Variants in LIMD1 observed in about 807,000 individuals in gnomAD.
LIMD1 encodes LIM domain-containing protein 1.
A neutral mutation model predicts 58.4 loss-of-function variants in LIMD1; 23 were observed. That is an observed-to-expected ratio of 0.39 (90% CI 0.28 to 0.56). LIMD1 has a LOEUF of 0.56. LIMD1 is among the 20% of genes least tolerant of loss of function. LIMD1 has a pLI of 0.57. For missense variants in LIMD1, 838 were observed against 855.5 expected (o/e 0.98, Z 0.25); for synonymous variants, 334 against 345.5 (o/e 0.97, Z 0.37).
At chr3:45,668,083 A>G (rs1697541885) in intron 3 of LIMD1, among the ~76,000 whole-genome samples, 1 of 152,204 alleles carries the variant, frequency 6.6e-6, no homozygotes, top group Non-Finnish European at 1.5e-5. Context: ...AGTCATTGTT[A>G]GAGTGAGTGG....
chr3:45,626,594 A>G (rs1701669800), intron 1 of LIMD1, among the ~76,000 whole-genome samples: 1 of 152,238 alleles, frequency 6.6e-6, no homozygotes, highest in Non-Finnish European at 1.5e-5. Flanking sequence ...GAACAGATGA[A>G]TAAGTGGAGC....
At chr3:45,602,807 C>T (rs540834332) in intron 1 of LIMD1, among the ~76,000 whole-genome samples, 50 of 152,086 alleles carry the variant, frequency 3.3e-4, no homozygotes, top group African/African-American at 1.2e-3. Flanking sequence ...CAGTCTGTTG[C>T]ACACTGAGCT....
chr3:45,595,890 C>G lies in LIMD1; in HGVS notation c.1011C>G (p.Phe337Leu), dbSNP rs762862096. ...CCAATGTGGACCCCCAACCCTGGTT[C>G]CAGGATGGGCCCAAATCTTACCTTT... ...SKPNVDPQPW[F>L]QDGPKSYLSS... The change falls in exon 1 of 8, where the codon TTC (phenylalanine) becomes TTG (leucine). Residue 337 changes from phenylalanine (F) to leucine (L), a missense_variant. Transcript: ENST00000273317. The G allele has an allele frequency of 3.3e-5, 54 of 1,614,124 alleles. No individual in the cohort carries two copies. In the East Asian group the frequency reaches 1.2e-3, roughly 35 times the overall value.
chr3:45,603,519 A>C (rs1701438388), intron 1 of LIMD1, among the ~76,000 whole-genome samples: 1 of 151,978 alleles, frequency 6.6e-6, no homozygotes, highest in Admixed American at 6.6e-5. Context: ...GAACCAGCCG[A>C]ATCCAGGTTT....
In LIMD1 at chr3:45,596,257, A is replaced by T. The variant is rs145274120; in HGVS notation, c.1378A>T (p.Met460Leu). The stretch of plus-strand genomic sequence containing the variant: ...CCTCACCCAACGTCTGGAGCGAGAG[A>T]TGGATGCTCACCCGAAGGCTGATTA... The part of the protein sequence containing the change: ...EALTQRLERE[M>L]DAHPKADYFG... The change falls in exon 1 of 8, where the codon ATG becomes TTG. Residue 460 changes from methionine (M) to leucine (L), a missense_variant. Around this residue, in one of 3 missense-constraint regions of LIMD1, gnomAD observed 659 missense variants for 639.8 expected, o/e 1.03. Transcript: ENST00000273317. 1.2e-6 allele frequency: 2 copies of T among 1,609,466 alleles called. No individual in the cohort carries two copies. Among genetic ancestry groups the T allele is most frequent in the Non-Finnish European group, 1.7e-6 (2 of 1,178,334 alleles).
Position 45,672,819 on chromosome 3 carries a change from A to G in LIMD1, c.1771A>G (p.Lys591Glu). 1 of 1,613,616 alleles carries G rather than the reference A, an allele frequency of 6.2e-7. No individual in the cohort carries two copies. Among genetic ancestry groups the G allele is most frequent in the Non-Finnish European group, 8.5e-7 (1 of 1,179,678 alleles). ...GATCTACTGTGTCCGAGATTACCAC[A>G]AGTAAGAAGGGATGGGAGCAGACAG... The part of the protein sequence containing the change: ...NKIYCVRDYH[K>E]VLAPKCAACG... Residue 591 changes from lysine (K) to glutamate (E), a missense_variant and splice_region_variant, in exon 5 of 8, where the codon AAG (lysine) becomes GAG (glutamate). Physicochemically the swap from Lys to Glu is moderately conservative, Grantham distance 56. Transcript: ENST00000273317.
Position 45,684,536 on chromosome 3 carries a change from C to T in LIMD1, c.*7477C>T, listed in dbSNP as rs981524608. ...TTAACAGGCAGAAAAAAGAGAACAG[C>T]TCCCCCATGCAGAGGGAGGAGGACT... On this transcript the variant is annotated 3_prime_UTR_variant, in exon 8 of 8. Coordinates refer to ENST00000273317, the MANE Select transcript of LIMD1 (RefSeq NM_014240.3). 9 of 152,204 alleles carry T rather than the reference C, an allele frequency of 5.9e-5. No homozygotes were observed. The highest frequency in any genetic ancestry group is 1.9e-4 in the African/African-American group (8 of 41,432). 9.4% of individuals were successfully genotyped at this position (152,204 alleles called of 1,614,324 possible).
intron 3 of LIMD1, among the ~76,000 whole-genome samples, chr3:45,666,644 C>T (rs1265594252): frequency 1.3e-5 from 2 of 152,176 alleles, no homozygotes; most frequent in African/African-American, 2.4e-5. Context: ...GTGCTGCCAC[C>T]ATGCCCAGGG....
chr3:45,676,798 C>T lies in LIMD1; in HGVS notation c.1894-124C>T, dbSNP rs1559527543. Reference sequence around the variant, plus strand: ...ACGGGGCAGGAGCTGTGTTTCTGCACTGGCATTTCCTGCCTATACAGAAAC... The same window carrying T: ...ACGGGGCAGGAGCTGTGTTTCTGCATTGGCATTTCCTGCCTATACAGAAAC... On this transcript the variant is annotated intron_variant, in intron 7 of 7. Coordinates refer to ENST00000273317, the MANE Select transcript of LIMD1 (RefSeq NM_014240.3). The T allele has an allele frequency of 5.5e-6, 5 of 915,090 alleles. No individual in the cohort carries two copies. The East Asian group carries it at 7.3e-5, about 13-fold the overall frequency. The allele number at this position is 915,090 out of a possible 1,614,324, so 56.7% of individuals were successfully genotyped here.
At chr3:45,620,394 A>T (rs1202193085) in intron 1 of LIMD1, among the ~76,000 whole-genome samples, 1 of 152,232 alleles carries the variant, frequency 6.6e-6, no homozygotes, top group East Asian at 1.9e-4. Context: ...AGAAGGGAAA[A>T]CTTTTGTACA....
intron 1 of LIMD1, among the ~76,000 whole-genome samples, chr3:45,632,157 C>T (rs567082453): frequency 6.6e-6 from 1 of 152,170 alleles, no homozygotes; most frequent in Non-Finnish European, 1.5e-5. Flanking sequence ...TAGCCTGCTT[C>T]GAGTGTGCTT....
chr3:45,659,987 T>C lies in LIMD1; in HGVS notation c.1511-5663T>C, dbSNP rs183373251. Among the ~76,000 whole-genome samples, 23 of 152,362 alleles carry C rather than the reference T, an allele frequency of 1.5e-4. No individual in the cohort carries two copies. The East Asian group carries it at 3.3e-3, about 22-fold the overall frequency. On this transcript the variant is annotated intron_variant, in intron 2 of 7. Transcript: ENST00000273317. ...TTTCGTTTAATTTGTTTCTTAACACTAGAGGGTTCAGTGCTTCTGCATGTT... is the reference window on the plus strand; with the variant it reads ...TTTCGTTTAATTTGTTTCTTAACACCAGAGGGTTCAGTGCTTCTGCATGTT...
chr3:45,648,945 G>A (rs755217161), intron 2 of LIMD1, among the ~76,000 whole-genome samples: 7 of 152,030 alleles, frequency 4.6e-5, no homozygotes, highest in Non-Finnish European at 8.8e-5. Flanking sequence ...AGTCTTAATC[G>A]TTCTTTGTAT....
intron 2 of LIMD1, among the ~76,000 whole-genome samples, chr3:45,642,324 C>A (rs562166935): frequency 6.6e-6 from 1 of 152,058 alleles, no homozygotes; most frequent in South Asian, 2.1e-4. Context: ...TACAGACATG[C>A]ACCACCATGT....
chr3:45,636,877 G>A (rs930404130), intron 2 of LIMD1, among the ~76,000 whole-genome samples: 5 of 152,212 alleles, frequency 3.3e-5, no homozygotes, highest in Admixed American at 6.5e-5. Flanking sequence ...ACCGCTCCCC[G>A]TGGAAGATTC....
intron 1 of LIMD1, among the ~76,000 whole-genome samples, chr3:45,627,139 C>T (rs768879672): frequency 4.6e-5 from 7 of 152,020 alleles, no homozygotes; most frequent in Non-Finnish European, 5.9e-5. Flanking sequence ...TTTCTCTGTG[C>T]GTAGGGGTGG....
rs1300975236 is a variant in LIMD1, at chr3:45,678,087, A to G, written c.*1028A>G. ...AGGGAGCGCCTCAGGATAAGTTATT[A>G]TATTCATTTCGTTGGTTTCTCTCCT... On this transcript the variant is annotated 3_prime_UTR_variant, in exon 8 of 8. Transcript: ENST00000273317. The G allele has an allele frequency of 6.6e-6, 1 of 152,576 alleles. No homozygotes were observed. Among genetic ancestry groups the G allele is most frequent in the East Asian group, 1.9e-4 (1 of 5,200 alleles). The allele number at this position is 152,576 out of a possible 1,614,324, so 9.5% of individuals were successfully genotyped here.
intron 1 of LIMD1, among the ~76,000 whole-genome samples, chr3:45,619,698 C>G (rs1338419105): frequency 6.6e-6 from 1 of 152,028 alleles, no homozygotes; most frequent in Non-Finnish European, 1.5e-5. Flanking sequence ...ACTCGGGAGA[C>G]TGAAGCAGGA....
Position 45,685,113 on chromosome 3 carries a change from G to C in LIMD1, c.*8054G>C, listed in dbSNP as rs991493313. ...CAGCTTGGACTGTCTCCATTGGAAG[G>C]CCTCTGGCAGATTTTGTAAAAAGTT... On this transcript the variant is annotated 3_prime_UTR_variant, in exon 8 of 8. Coordinates refer to ENST00000273317, the MANE Select transcript of LIMD1 (RefSeq NM_014240.3). The C allele has an allele frequency of 3.9e-5, 6 of 152,142 alleles. No homozygotes were observed. In the East Asian group the frequency reaches 1.2e-3, roughly 29 times the overall value. The allele number at this position is 152,142 out of a possible 1,614,324, so 9.4% of individuals were successfully genotyped here.
Sources: gnomAD v4.1 joint callset for allele counts (sites outside exome capture counted in the v4.1 genomes callset) on GRCh38, gnomAD v4.1.1 for gene constraint, gnomAD v4.1.1 regional missense constraint, MANE v1.5 for transcripts, NCBI Gene and HGNC (gene_info 2026-07-23, HGNC 2026-07-21) for gene names.